TARBP1: variants seen among roughly 807,000 people sequenced by gnomAD.
The protein encoded by TARBP1 is tRNA (guanosine(18)-2'-O)-methyltransferase TARBP1.
TARBP1 carries 144 observed loss-of-function variants against 178.6 expected under a neutral mutation model. The ratio of observed to expected loss-of-function variants is 0.81; its 90% confidence interval spans 0.70 to 0.93. The LOEUF (loss-of-function observed/expected upper bound fraction) is 0.93, where lower values mean the gene tolerates loss of function less well. TARBP1 is among the 40% of genes least tolerant of loss of function. TARBP1 has a pLI of 0.00. For synonymous variants in TARBP1, 787 were observed against 781.0 expected (o/e 1.01, Z -0.13); for missense variants, 2,067 against 2,011.7 (o/e 1.03, Z -0.53).
chr1:234,430,174 A>G lies in TARBP1; in HGVS notation c.2522T>C (p.Phe841Ser), dbSNP rs1051525291. 10 of 1,614,064 alleles carry G rather than the reference A, an allele frequency of 6.2e-6. No individual in the cohort carries two copies. Among genetic ancestry groups the G allele is most frequent in the Non-Finnish European group, 8.5e-6 (10 of 1,180,032 alleles). The change falls in exon 15 of 30, where the codon TTC becomes TCC. Residue 841 changes from phenylalanine to serine, a missense_variant. Transcript: ENST00000040877. ...DSLHAGPLES[F>S]LSSLQLNQTL... The stretch of plus-strand genomic sequence containing the variant: ...CTGATTGAGCTGAAGAGAGGAAAGG[A>G]AGCTTTCCAGGGGCCCAGCATGGAG...
At chr1:234,437,465 G>A in intron 12 of TARBP1, 93 bp from the exon 13 acceptor site, 1 of 581,862 alleles carries the variant, frequency 1.7e-6, no homozygotes. Flanking sequence ...ACTGGGCTAA[G>A]CACGTGAATC....
chr1:234,451,518 C>T (rs1330220928), intron 9 of TARBP1, among the ~76,000 whole-genome samples: 1 of 34,370 alleles, frequency 2.9e-5, no homozygotes, highest in Non-Finnish European at 4.6e-5. Context: ...GAGGCCGAGG[C>T]GGGCGGATCA....
At chr1:234,476,025 A>AT (rs1215004509) in intron 1 of TARBP1, among the ~76,000 whole-genome samples, 7 of 152,104 alleles carry the variant, frequency 4.6e-5, no homozygotes, top group South Asian at 2.1e-4. Flanking sequence ...ATAGTAAGAC[A>AT]TAAAAAAAAG....
At chr1:234,453,184 G>A (rs1666955167) in intron 9 of TARBP1, among the ~76,000 whole-genome samples, 1 of 152,078 alleles carries the variant, frequency 6.6e-6, no homozygotes, top group Non-Finnish European at 1.5e-5. Flanking sequence ...ATGACCTTTA[G>A]TTCATAATAG....
chr1:234,446,601 C>T (rs1666194433), intron 12 of TARBP1, among the ~76,000 whole-genome samples: 1 of 124,220 alleles, frequency 8.1e-6, no homozygotes, highest in African/African-American at 3.0e-5. Flanking sequence ...ATCCCCAGCA[C>T]CACTGGGAGA....
intron 22 of TARBP1, among the ~76,000 whole-genome samples, chr1:234,413,674 C>T (rs771934795): frequency 6.6e-6 from 1 of 152,146 alleles, no homozygotes; most frequent in Non-Finnish European, 1.5e-5. Flanking sequence ...ACGTAAGACA[C>T]TGTGTTCAGC....
In TARBP1 at chr1:234,391,757, A is replaced by G. The variant is rs1388260551; in HGVS notation, c.4698-12T>C. ...CCTCACGTTCATTTCTGAGGAAGAAAATGGAAGAAAGATTAGTTTTCCTGT... is the reference window on the plus strand; with the variant it reads ...CCTCACGTTCATTTCTGAGGAAGAAGATGGAAGAAAGATTAGTTTTCCTGT... On this transcript the variant is annotated splice_polypyrimidine_tract_variant and intron_variant, in intron 29 of 29. Coordinates refer to ENST00000040877, the MANE Select transcript of TARBP1 (RefSeq NM_005646.4). 1 of 1,608,852 alleles carries G rather than the reference A, an allele frequency of 6.2e-7. No homozygotes were observed. The highest frequency in any genetic ancestry group is 1.3e-5 in the African/African-American group (1 of 74,846).
At position 234,429,499 on chromosome 1, in the gene TARBP1, G is replaced by A; in HGVS notation, c.2788C>T (p.Gln930Ter). Reference protein sequence around the residue: ...PAVQMPIRTLQSALEALTVLS... With the variant: ...PAVQMPIRTL ...ACTGTGAGGGCTTCTAGTGCAGACT[G>A]CAAAGTCCTTATTGGCATCTGAACG... Residue 930 changes from glutamine to a stop codon, truncating the protein, a stop_gained, in exon 16 of 30, where the codon CAG becomes TAG. Transcript: ENST00000040877. LOFTEE classifies it high-confidence loss of function. 6.2e-7 allele frequency: 1 copy of A among 1,614,204 alleles called. No homozygotes were observed. Among genetic ancestry groups the A allele is most frequent in the Non-Finnish European group, 8.5e-7 (1 of 1,180,040 alleles).
rs758804417 is a variant in TARBP1, at chr1:234,429,180, TG to T, written c.3015del (p.Ile1006LeufsTer13). The T allele has an allele frequency of 6.3e-7, 1 of 1,592,442 alleles. No homozygotes were observed. The highest frequency in any genetic ancestry group is 8.5e-7 in the Non-Finnish European group (1 of 1,174,672). On this transcript the variant is annotated frameshift_variant, in exon 17 of 30. Transcript: ENST00000040877. LOFTEE classifies it high-confidence loss of function. ...VQFVFDNKVLTIAAKIKGQAY... is the reference protein window; with the variant it reads ...VQFVFDNKVLXIAAKIKGQAY... ...GCCTGGCCCTTGATTTTGGCAGCAATGGTAAGAACTTTGTTATCAAAAACAA... is the reference window on the plus strand; with the variant it reads ...GCCTGGCCCTTGATTTTGGCAGCAATGTAAGAACTTTGTTATCAAAAACAA...
intron 13 of TARBP1, among the ~76,000 whole-genome samples, chr1:234,435,681 G>A (rs1208908129): frequency 6.6e-6 from 1 of 152,202 alleles, no homozygotes; most frequent in Non-Finnish European, 1.5e-5. Flanking sequence ...GAATTCAGGT[G>A]TGGTTGAGCA....
intron 1 of TARBP1, among the ~76,000 whole-genome samples, chr1:234,475,360 C>A (rs1338233280): frequency 6.6e-6 from 1 of 152,232 alleles, no homozygotes; most frequent in African/African-American, 2.4e-5. Context: ...AAGTTGCCTG[C>A]CTCTAGGGCA....
intron 21 of TARBP1, among the ~76,000 whole-genome samples, chr1:234,419,042 G>C (rs1427212086): frequency 6.6e-6 from 1 of 151,982 alleles, no homozygotes; most frequent in Admixed American, 6.6e-5. Context: ...TGAGGTGGTG[G>C]GCGCCTGTAG....
intron 26 of TARBP1, among the ~76,000 whole-genome samples, chr1:234,396,851 G>C (rs1443119615): frequency 6.6e-6 from 1 of 151,978 alleles, no homozygotes; most frequent in African/African-American, 2.4e-5. Context: ...GACATGGAAA[G>C]TTTGGAGAAG....
At chr1:234,467,417 G>C in intron 4 of TARBP1, 85 bp downstream of exon 4, 1 of 1,273,230 alleles carries the variant, frequency 7.9e-7, no homozygotes, top group African/African-American at 1.5e-5. Context: ...TCTCCAAAAT[G>C]TTACTTGCTG....
chr1:234,471,061 G>A (rs368060736), intron 3 of TARBP1, 127 bp downstream of exon 3: 2 of 695,928 alleles, frequency 2.9e-6, no homozygotes, highest in Non-Finnish European at 2.4e-6. Context: ...AGCATTACAA[G>A]ATGATTATAT....
At chr1:234,411,749 A>G (rs1661842996) in intron 22 of TARBP1, among the ~76,000 whole-genome samples, 2 of 152,168 alleles carry the variant, frequency 1.3e-5, no homozygotes, top group African/African-American at 2.4e-5. Context: ...CAGTTGAAAA[A>G]GACTGTTCAA....
In TARBP1 at chr1:234,423,234, CAT is replaced by C. The variant is rs1663314544; in HGVS notation, c.3445-2424_3445-2423del. On this transcript the variant is annotated intron_variant, in intron 20 of 29. Coordinates refer to ENST00000040877, the MANE Select transcript of TARBP1 (RefSeq NM_005646.4). ...ATTTTGCTACAACCTCACCAATGCT[CAT>C]TATTTTTAGTTTGTTTTCTTGATAG... Among the ~76,000 whole-genome samples the C allele has an allele frequency of 2.0e-5, 3 of 152,274 alleles. No homozygotes were observed. In the South Asian group the frequency reaches 6.2e-4, roughly 32 times the overall value.
intron 26 of TARBP1, among the ~76,000 whole-genome samples, chr1:234,396,753 A>G (rs1408699630): frequency 1.3e-5 from 2 of 152,064 alleles, no homozygotes; most frequent in Non-Finnish European, 2.9e-5. Flanking sequence ...TTCCAGACCC[A>G]TAATTGGCCT....
At chr1:234,474,285 CACAA>C (rs1182482366) in intron 1 of TARBP1, among the ~76,000 whole-genome samples, 29 of 132,538 alleles carry the variant, frequency 2.2e-4, no homozygotes, top group Middle Eastern at 3.5e-3. Context: ...CACACACACA[CACAA>C]AGGGGACATT....
Sources: allele counts gnomAD v4.1 joint callset (sites outside exome capture counted in the v4.1 genomes callset), GRCh38; gene constraint gnomAD v4.1.1; transcripts MANE v1.5; gene names NCBI Gene and HGNC (gene_info 2026-07-23, HGNC 2026-07-21).